ADAMTSL1: variants seen among roughly 807,000 people sequenced by gnomAD.
The protein encoded by ADAMTSL1 is ADAMTS like 1, also known as ADAMTS-like protein 1.
Under a neutral mutation model 201.8 loss-of-function variants are expected in ADAMTSL1, and 126 were observed. The observed-to-expected ratio is 0.62, with a 90% CI of 0.54 to 0.72. The LOEUF is 0.72. Among genes scored for constraint, ADAMTSL1 ranks in the 30% least tolerant of loss-of-function variants. ADAMTSL1 has a pLI of 0.00. For missense variants in ADAMTSL1, 2,679 were observed against 2,277.8 expected (o/e 1.18, Z -3.59); for synonymous variants, 1,121 against 903.4 (o/e 1.24, Z -4.32).
intron 1 of ADAMTSL1, among the ~76,000 whole-genome samples, chr9:18,079,253 A>G (rs1432946324): frequency 1.3e-5 from 2 of 152,214 alleles, no homozygotes; most frequent in East Asian, 1.9e-4. Context: ...AATCTCATAA[A>G]GTAATTTACA....
intron 2 of ADAMTSL1, among the ~76,000 whole-genome samples, chr9:18,453,379 G>GT (rs1322369365): frequency 6.6e-6 from 1 of 152,098 alleles, no homozygotes; most frequent in East Asian, 1.9e-4. Context: ...AATGCCTTCA[G>GT]TATCATTCTC....
At chr9:18,782,361 C>A (rs1185383069) in intron 19 of ADAMTSL1, among the ~76,000 whole-genome samples, 1 of 152,208 alleles carries the variant, frequency 6.6e-6, no homozygotes, top group East Asian at 1.9e-4. Context: ...AGTTTACATG[C>A]ATTTGGAGTT....
intron 2 of ADAMTSL1, among the ~76,000 whole-genome samples, chr9:18,319,524 C>T (rs1834538626): frequency 6.6e-6 from 1 of 152,128 alleles, no homozygotes; most frequent in Non-Finnish European, 1.5e-5. Flanking sequence ...CTGACTCTCC[C>T]TAGATAACTA....
intron 23 of ADAMTSL1, among the ~76,000 whole-genome samples, chr9:18,843,655 A>G (rs1825881453): frequency 6.6e-6 from 1 of 150,838 alleles, no homozygotes; most frequent in Non-Finnish European, 1.5e-5. Context: ...CATTCTCCCC[A>G]TCACTTTCAG....
At chr9:18,264,630 T>A (rs1832049364) in intron 2 of ADAMTSL1, among the ~76,000 whole-genome samples, 1 of 152,110 alleles carries the variant, frequency 6.6e-6, no homozygotes, top group Non-Finnish European at 1.5e-5. Context: ...AAGTAGAAAG[T>A]TTAACTTCTG....
chr9:18,490,752 C>A (rs763941899), intron 1 of ADAMTSL1, among the ~76,000 whole-genome samples: 1 of 152,094 alleles, frequency 6.6e-6, no homozygotes, highest in Non-Finnish European at 1.5e-5. Flanking sequence ...GAGCATATTC[C>A]GCAGCAAGAT....
chr9:18,030,230 A>C (rs1820888223), intron 1 of ADAMTSL1, among the ~76,000 whole-genome samples: 1 of 152,238 alleles, frequency 6.6e-6, no homozygotes, highest in Admixed American at 6.5e-5. Flanking sequence ...AAAAATGATG[A>C]GTTCTTGTCC....
At chr9:18,514,001 G>A (rs1273624649) in intron 2 of ADAMTSL1, among the ~76,000 whole-genome samples, 2 of 152,056 alleles carry the variant, frequency 1.3e-5, no homozygotes, top group Non-Finnish European at 2.9e-5. Context: ...ATGAATTTTA[G>A]AACTGTTTTT....
Position 18,256,033 on chromosome 9 carries a change from C to T in ADAMTSL1, c.207+92052C>T, listed in dbSNP as rs115648523. On this transcript the variant is annotated intron_variant, in intron 2 of 29. Coordinates refer to the ADAMTSL1 transcript ENST00000680146. ...TATCTTTGGCAATCTTCCTTGTTTC[C>T]TATTTGAAGATGCTCTTCCAACCGA... 6.2e-3 allele frequency among the ~76,000 whole-genome samples: 946 copies of T among 152,256 alleles called. 8 individuals carry two copies. Among genetic ancestry groups the T allele is most frequent in the African/African-American group, 0.022 (895 of 41,538 alleles).
chr9:17,919,126 T>G (rs1160418164), intron 1 of ADAMTSL1, among the ~76,000 whole-genome samples: 1 of 151,890 alleles, frequency 6.6e-6, no homozygotes, highest in Non-Finnish European at 1.5e-5. Flanking sequence ...TAATTCTCTT[T>G]CAAATCCTAC....
At chr9:18,606,337 G>C (rs1268054975) in intron 4 of ADAMTSL1, among the ~76,000 whole-genome samples, 1 of 152,140 alleles carries the variant, frequency 6.6e-6, no homozygotes, top group South Asian at 2.1e-4. Flanking sequence ...TGCCCTTTGG[G>C]AATATCTTTG....
chr9:17,915,140 C>T (rs571747201), intron 1 of ADAMTSL1, among the ~76,000 whole-genome samples: 9 of 152,264 alleles, frequency 5.9e-5, no homozygotes, highest in Middle Eastern at 6.8e-3. Context: ...GACACCATCA[C>T]CCTGAAGTTT....
At chr9:18,586,136 A>G (rs939942558) in intron 4 of ADAMTSL1, among the ~76,000 whole-genome samples, 12 of 152,204 alleles carry the variant, frequency 7.9e-5, no homozygotes, top group African/African-American at 2.7e-4. Flanking sequence ...ATAGGAAGAA[A>G]GGAAGTCACA....
intron 21 of ADAMTSL1, among the ~76,000 whole-genome samples, chr9:18,823,294 G>C (rs539247141): frequency 6.6e-6 from 1 of 152,354 alleles, no homozygotes; most frequent in South Asian, 2.1e-4. Flanking sequence ...AGAAACTGGA[G>C]GTTTCTTCCT....
At chr9:18,450,399 T>C (rs1820358434) in intron 2 of ADAMTSL1, among the ~76,000 whole-genome samples, 1 of 152,144 alleles carries the variant, frequency 6.6e-6, no homozygotes, top group Non-Finnish European at 1.5e-5. Context: ...ACTTTATAGG[T>C]ACAAATTTAG....
chr9:18,005,363 G>C (rs1819771526), intron 1 of ADAMTSL1, among the ~76,000 whole-genome samples: 1 of 152,058 alleles, frequency 6.6e-6, no homozygotes, highest in South Asian at 2.1e-4. Context: ...CCTTTATTGA[G>C]CACCTACTGT....
chr9:18,264,739 C>A (rs993636959), intron 2 of ADAMTSL1, among the ~76,000 whole-genome samples: 6 of 152,130 alleles, frequency 3.9e-5, no homozygotes, highest in African/African-American at 1.2e-4. Context: ...TTGAGTTTGC[C>A]ATAGATATGA....
At chr9:18,601,604 T>C (rs972147118) in intron 4 of ADAMTSL1, among the ~76,000 whole-genome samples, 14 of 152,322 alleles carry the variant, frequency 9.2e-5, no homozygotes, top group African/African-American at 3.1e-4. Flanking sequence ...TAAGTGACCA[T>C]GGGCATAGTG....
chr9:18,630,890 T>G (rs566492117), intron 5 of ADAMTSL1, among the ~76,000 whole-genome samples: 1 of 152,140 alleles, frequency 6.6e-6, no homozygotes, highest in East Asian at 1.9e-4. Context: ...CTCATCTCCC[T>G]ACAACCTCCA....
Sources: gnomAD v4.1 joint callset for allele counts (sites outside exome capture counted in the v4.1 genomes callset) on GRCh38, gnomAD v4.1.1 for gene constraint, MANE v1.5 for transcripts, NCBI Gene and HGNC (gene_info 2026-07-23, HGNC 2026-07-21) for gene names.